The following HNRNPC variants were observed in gnomAD, a reference collection of about 807,000 sequenced individuals.
HNRNPC encodes the protein heterogeneous nuclear ribonucleoproteins C1/C2.
In HNRNPC, 3 loss-of-function variants were observed where a neutral mutation model predicts 33.2. The observed-to-expected ratio is 0.09, with a 90% confidence interval of 0.04 to 0.23. HNRNPC has a LOEUF of 0.23. Ranked by LOEUF, HNRNPC falls within the 10% of genes least tolerant of loss-of-function variation. The probability of loss-of-function intolerance (pLI) is 1.00; values close to 1 mark genes in which losing one functional copy is unlikely to be tolerated. For missense variants in HNRNPC, 143 were observed against 366.7 expected (o/e 0.39, Z 4.98); for synonymous variants, 121 against 126.7 (o/e 0.96, Z 0.30).
At chr14:21,234,455 A>T (rs1282831684) in intron 2 of HNRNPC, among the ~76,000 whole-genome samples, 1 of 152,058 alleles carries the variant, frequency 6.6e-6, no homozygotes, top group African/African-American at 2.4e-5. Context: ...TTTCAGCAGC[A>T]CTAAACTCTA....
intron 5 of HNRNPC, among the ~76,000 whole-genome samples, chr14:21,224,177 C>T (rs1893156892): frequency 6.6e-6 from 1 of 152,156 alleles, no homozygotes; most frequent in Non-Finnish European, 1.5e-5. Flanking sequence ...CTAATCTAAA[C>T]TCAGTAAGGT....
At chr14:21,231,171 C>T (rs1340184184) in intron 3 of HNRNPC, 99 bp from the exon 4 acceptor site, 11 of 1,200,632 alleles carry the variant, frequency 9.2e-6, no homozygotes, top group Non-Finnish European at 1.1e-5. Context: ...GTTTCGCTTT[C>T]TCGCTCAGGC....
chr14:21,263,654 A>T lies in HNRNPC; in HGVS notation c.-62-318T>A, dbSNP rs546006298. ...CCAGGTCCCGGTTTTGGAAACAATTAAAAAAAAAACACCTGTACATTTGCT... is the reference window on the plus strand; with the variant it reads ...CCAGGTCCCGGTTTTGGAAACAATTTAAAAAAAAACACCTGTACATTTGCT... On this transcript the variant is annotated intron_variant, in intron 1 of 8. Transcript: ENST00000553300. The T allele has an allele frequency of 6.0e-5, 9 of 149,126 alleles. 1 individual carries two copies. In the East Asian group the frequency reaches 1.4e-3, roughly 23 times the overall value. 9.2% of individuals were successfully genotyped at this position (149,126 alleles called of 1,614,324 possible).
At chr14:21,248,903 A>T (rs1167340046) in intron 2 of HNRNPC, among the ~76,000 whole-genome samples, 1 of 150,576 alleles carries the variant, frequency 6.6e-6, no homozygotes, top group African/African-American at 2.5e-5. Flanking sequence ...TTAACAGTAA[A>T]AAAGGAGAAA....
chr14:21,243,938 A>G lies in HNRNPC; in HGVS notation c.-36-9709T>C, dbSNP rs1870349889. On this transcript the variant is annotated intron_variant, in intron 2 of 8. Coordinates refer to ENST00000553300, the MANE Select transcript of HNRNPC (RefSeq NM_004500.4). ...TACCTGTAGCTACATAAGACAGAGA[A>G]CAAAACATAAAAATGTTGATGGTGG... is the stretch of plus-strand genomic sequence containing the variant. 2.0e-5 allele frequency among the ~76,000 whole-genome samples: 3 copies of G among 151,274 alleles called. No homozygotes were observed. In the Admixed American group the frequency reaches 2.0e-4, roughly 10 times the overall value.
rs1242098180 is a variant in HNRNPC, at chr14:21,210,533, TAAAA to T, written c.*686_*689del. On this transcript the variant is annotated 3_prime_UTR_variant, in exon 9 of 9. Coordinates refer to ENST00000553300, the MANE Select transcript of HNRNPC (RefSeq NM_004500.4). ...AGTAAACAATAATAAAATACAAAAATAAAAAACCAGGGTTTTTTTTTTCTCCAAA... is the reference window on the plus strand; with the variant it reads ...AGTAAACAATAATAAAATACAAAAATAACCAGGGTTTTTTTTTTCTCCAAA... 1 of 152,032 alleles carries T rather than the reference TAAAA, an allele frequency of 6.6e-6. No individual in the cohort carries two copies. Among genetic ancestry groups the T allele is most frequent in the Non-Finnish European group, 1.5e-5 (1 of 67,892 alleles). The allele number at this position is 152,032 out of a possible 1,614,324, so 9.4% of individuals were successfully genotyped here.
At chr14:21,254,814 G>A (rs1015739021) in intron 2 of HNRNPC, among the ~76,000 whole-genome samples, 3 of 152,028 alleles carry the variant, frequency 2.0e-5, no homozygotes, top group African/African-American at 7.2e-5. Context: ...GCTGAGGCAG[G>A]AGAATCACTT....
rs111803786 is a variant in HNRNPC, at chr14:21,244,876, G to T, written c.-36-10647C>A. ...TGGTTCACGCCTGTAATCCCAACACGGAGTTTGAGACCAACCAGACCAATA... is the reference window on the plus strand; with the variant it reads ...TGGTTCACGCCTGTAATCCCAACACTGAGTTTGAGACCAACCAGACCAATA... On this transcript the variant is annotated intron_variant, in intron 2 of 8. Transcript: ENST00000553300. 6.7e-3 allele frequency among the ~76,000 whole-genome samples: 1,023 copies of T among 151,692 alleles called. 14 individuals carry two copies. Among genetic ancestry groups the T allele is most frequent in the African/African-American group, 0.022 (924 of 41,336 alleles).
intron 2 of HNRNPC, among the ~76,000 whole-genome samples, chr14:21,251,854 G>A (rs1030372372): frequency 6.6e-6 from 1 of 152,172 alleles, no homozygotes; most frequent in Admixed American, 6.5e-5. Context: ...CATCAGTTAA[G>A]ATCAGTTTTT....
intron 2 of HNRNPC, among the ~76,000 whole-genome samples, chr14:21,250,989 C>T (rs1279375088): frequency 2.0e-5 from 3 of 152,250 alleles, no homozygotes; most frequent in Middle Eastern, 3.5e-3. Flanking sequence ...CGGCCGGGCG[C>T]GGTGGCTCAC....
chr14:21,239,382 A>C (rs1895089856), intron 2 of HNRNPC, among the ~76,000 whole-genome samples: 1 of 152,112 alleles, frequency 6.6e-6, no homozygotes, highest in Non-Finnish European at 1.5e-5. Flanking sequence ...CGGGAGGCTG[A>C]GGCAGGAAAA....
rs757983136 is a variant in HNRNPC, at chr14:21,211,879, T to C, written c.568A>G (p.Ile190Val). The C allele has an allele frequency of 3.7e-6, 6 of 1,613,730 alleles. No homozygotes were observed. The South Asian group carries it at 5.5e-5, about 15-fold the overall frequency. ...AGGAGAGAATCCACTTTTTGTTTTA[T>C]CTGGGTCAGCTCCTTCTTAATGGCC... ...LQAIKKELTQ[I>V]KQKVDSLLEN... Residue 190 changes from isoleucine (I) to valine (V), a missense_variant, in exon 7 of 9, where the codon ATA becomes GTA. Transcript: ENST00000553300.
At position 21,210,993 on chromosome 14, in the gene HNRNPC, C is replaced by G. The variant is rs1321614980; in HGVS notation, c.*230G>C. Reference sequence around the variant, plus strand: ...CATAAAGAGGTATCAAAATTAAAAGCAAAAATTACAGGGTAAGACTTAACA... The same window carrying G: ...CATAAAGAGGTATCAAAATTAAAAGGAAAAATTACAGGGTAAGACTTAACA... On this transcript the variant is annotated 3_prime_UTR_variant, in exon 9 of 9. Transcript: ENST00000553300. 1.8e-6 allele frequency: 1 copy of G among 545,832 alleles called. No individual in the cohort carries two copies. The highest frequency in any genetic ancestry group is 3.3e-6 in the Non-Finnish European group (1 of 306,872). The allele number at this position is 545,832 out of a possible 1,614,324, so 33.8% of individuals were successfully genotyped here.
chr14:21,246,975 G>A (rs1037789586), intron 2 of HNRNPC, among the ~76,000 whole-genome samples: 4 of 152,126 alleles, frequency 2.6e-5, no homozygotes, highest in East Asian at 1.9e-4. Context: ...ATAATATACT[G>A]AATCTGTGTT....
chr14:21,233,913 T>A, intron 3 of HNRNPC, 40 bp downstream of exon 3: 1 of 1,589,356 alleles, frequency 6.3e-7, no homozygotes, highest in Non-Finnish European at 8.5e-7. Context: ...ATAGAAAAAC[T>A]CAGGCCTGAA....
intron 5 of HNRNPC, among the ~76,000 whole-genome samples, chr14:21,223,684 G>C (rs1183437263): frequency 1.3e-5 from 2 of 152,012 alleles, no homozygotes; most frequent in Admixed American, 6.5e-5. Context: ...AGGAGACAGA[G>C]GTTGCCGTGA....
intron 3 of HNRNPC, among the ~76,000 whole-genome samples, chr14:21,233,147 A>C (rs569216469): frequency 1.3e-5 from 2 of 152,330 alleles, no homozygotes; most frequent in East Asian, 3.9e-4. Flanking sequence ...TTGAAACCAT[A>C]TAAAGTGTTT....
intron 2 of HNRNPC, among the ~76,000 whole-genome samples, chr14:21,249,606 A>AC (rs1896402971): frequency 6.6e-6 from 1 of 150,900 alleles, no homozygotes; most frequent in Non-Finnish European, 1.5e-5. Flanking sequence ...AAAAAAAAAA[A>AC]AAAAAAAAAG....
chr14:21,242,266 C>G (rs565541464), intron 2 of HNRNPC, among the ~76,000 whole-genome samples: 1 of 152,134 alleles, frequency 6.6e-6, no homozygotes, highest in Non-Finnish European at 1.5e-5. Flanking sequence ...AGGAAGATCA[C>G]GAGGTCAAGA....
Sources: allele counts gnomAD v4.1 joint callset (sites outside exome capture counted in the v4.1 genomes callset), GRCh38; gene constraint gnomAD v4.1.1; transcripts MANE v1.5; gene names NCBI Gene and HGNC (gene_info 2026-07-23, HGNC 2026-07-21).